Variants in WWP1 observed in about 807,000 individuals in gnomAD.
WWP1 encodes WW domain containing E3 ubiquitin protein ligase 1.
In WWP1, 49 loss-of-function variants were observed where a neutral mutation model predicts 130.6. The ratio of observed to expected loss-of-function variants is 0.38; its 90% CI spans 0.30 to 0.48. The LOEUF is 0.48. WWP1 is among the 20% of genes least tolerant of loss of function. The probability of loss-of-function intolerance (pLI) is 0.99; values close to 1 mark genes in which losing one functional copy is unlikely to be tolerated. For synonymous variants in WWP1, 332 were observed against 367.8 expected, an observed-to-expected ratio of 0.90 and a Z score of 1.11; for missense variants, 809 against 1,100.6, an observed-to-expected ratio of 0.74 and a Z score of 3.75.
chr8:86,429,173 A>G (rs940492186), intron 11 of WWP1, among the ~76,000 whole-genome samples: 1 of 152,204 alleles, frequency 6.6e-6, no homozygotes, highest in African/African-American at 2.4e-5. Flanking sequence ...AGAAAGAGAA[A>G]GAGGAATTGA....
At chr8:86,424,057 T>A (rs1225991200) in intron 9 of WWP1, among the ~76,000 whole-genome samples, 2 of 144,424 alleles carry the variant, frequency 1.4e-5, no homozygotes, top group Non-Finnish European at 3.0e-5. Context: ...ACGGGGCGGC[T>A]GCCGGGCGGA....
chr8:86,418,553 A>G (rs543467773), intron 9 of WWP1, among the ~76,000 whole-genome samples: 23 of 152,268 alleles, frequency 1.5e-4, no homozygotes, highest in African/African-American at 5.5e-4. Context: ...TGTCAGTGGG[A>G]AAAGCTCAGA....
chr8:86,403,085 C>G (rs1411731819), intron 8 of WWP1, among the ~76,000 whole-genome samples: 2 of 152,170 alleles, frequency 1.3e-5, no homozygotes, highest in African/African-American at 4.8e-5. Flanking sequence ...TGTATATTAA[C>G]TCTTTCAGGT....
chr8:86,362,921 T>G (rs1388689571), intron 1 of WWP1, among the ~76,000 whole-genome samples: 1 of 152,230 alleles, frequency 6.6e-6, no homozygotes, highest in Non-Finnish European at 1.5e-5. Flanking sequence ...ATAAATGCAT[T>G]ATTTAACTTT....
At chr8:86,418,733 A>G (rs1809029149) in intron 9 of WWP1, among the ~76,000 whole-genome samples, 1 of 152,184 alleles carries the variant, frequency 6.6e-6, no homozygotes, top group Non-Finnish European at 1.5e-5. Flanking sequence ...CACCAGGCAC[A>G]TTGGAGGTCA....
Position 86,375,849 on chromosome 8 carries a change from T to C in WWP1, c.70+1729T>C, listed in dbSNP as rs1158701263. Among the ~76,000 whole-genome samples the C allele has an allele frequency of 2.0e-5, 3 of 152,186 alleles. No individual in the cohort carries two copies. The East Asian group carries it at 5.8e-4, about 29-fold the overall frequency. On this transcript the variant is annotated intron_variant, in intron 3 of 24. Transcript: ENST00000517970. ...TTTGCCAGGTATTGCCAAGTTCCTC[T>C]CCATGGGGTCTGCACCATTTTGTGT... is the stretch of plus-strand genomic sequence containing the variant.
rs1808594417 is a variant in WWP1, at chr8:86,411,669, A to G, written c.856A>G (p.Ile286Val). The G allele has an allele frequency of 1.2e-6, 2 of 1,614,064 alleles. No individual in the cohort carries two copies. The highest frequency in any genetic ancestry group is 1.1e-5 in the South Asian group (1 of 91,092). Residue 286 changes from isoleucine to valine, a missense_variant, in exon 9 of 25, where the codon ATA becomes GTA. Ile to Val is a conservative substitution (Grantham distance 29, BLOSUM62 3). Transcript: ENST00000517970. ...TGTTGAAGATCCTCCAGTTCAAGAA[A>G]TACTGACTTCCTCAGAAAACAATGA... ...TTVEDPPVQE[I>V]LTSSENNECI...
At chr8:86,367,525 T>G (rs1333412701) in intron 1 of WWP1, among the ~76,000 whole-genome samples, 1 of 152,218 alleles carries the variant, frequency 6.6e-6, no homozygotes, top group African/African-American at 2.4e-5. Context: ...AAATGTCGTT[T>G]ATTATCTACA....
At chr8:86,414,890 T>TCGC (rs1808801206) in intron 9 of WWP1, among the ~76,000 whole-genome samples, 2 of 94,814 alleles carry the variant, frequency 2.1e-5, no homozygotes, top group Non-Finnish European at 2.0e-5. Context: ...CCCCCCCCCA[T>TCGC]CCCCCCACCC....
chr8:86,450,364 A>G (rs1003324487), intron 20 of WWP1, among the ~76,000 whole-genome samples: 2 of 152,190 alleles, frequency 1.3e-5, no homozygotes, highest in Admixed American at 6.5e-5. Flanking sequence ...TAGTTGGAAA[A>G]AAACAGTAAC....
At chr8:86,354,748 T>TAC (rs1205903818) in intron 1 of WWP1, among the ~76,000 whole-genome samples, 1 of 152,178 alleles carries the variant, frequency 6.6e-6, no homozygotes, top group Non-Finnish European at 1.5e-5. Flanking sequence ...TTTCTTTACC[T>TAC]ACTTTTCTCT....
At chr8:86,365,463 G>C (rs1823917553) in intron 1 of WWP1, among the ~76,000 whole-genome samples, 1 of 152,152 alleles carries the variant, frequency 6.6e-6, no homozygotes, top group Admixed American at 6.5e-5. Flanking sequence ...AGGCTAAAAG[G>C]TACCTGTAGA....
Position 86,442,755 on chromosome 8 carries a change from T to G in WWP1, c.1975T>G (p.Phe659Val). 1 of 1,609,516 alleles carries G rather than the reference T, an allele frequency of 6.2e-7. No homozygotes were observed. Among genetic ancestry groups the G allele is most frequent in the Non-Finnish European group, 8.5e-7 (1 of 1,178,688 alleles). The change falls in exon 18 of 25, where the codon TTC becomes GTC. Residue 659 changes from phenylalanine to valine, a missense_variant. This residue lies in a region of WWP1 where 450 missense variants were observed against 674.2 expected (regional missense o/e 0.67). Coordinates refer to ENST00000517970, the MANE Select transcript of WWP1 (RefSeq NM_007013.4). ...TCCAGACCATCTTTCATACTTCTGT[T>G]TCATTGGTCGTTTTATTGCCATGGT... ...INPDHLSYFC[F>V]IGRFIAMALF... is the part of the protein sequence containing the mutation.
intron 9 of WWP1, among the ~76,000 whole-genome samples, chr8:86,412,716 G>GT (rs537421906): frequency 0.048 from 6,759 of 142,162 alleles, 252 homozygotes; most frequent in African/African-American, 0.094. Flanking sequence ...TTTTGGAATT[G>GT]TTTTTTTTTT....
chr8:86,461,054 C>G (rs1811743581), intron 22 of WWP1, among the ~76,000 whole-genome samples, 170 bp from the exon 23 acceptor site: 1 of 152,046 alleles, frequency 6.6e-6, no homozygotes, highest in Non-Finnish European at 1.5e-5. Flanking sequence ...CGTGATCCGC[C>G]TGCTTCGGCC....
chr8:86,375,542 G>T (rs1437731604), intron 3 of WWP1, among the ~76,000 whole-genome samples: 1 of 151,350 alleles, frequency 6.6e-6, no homozygotes, highest in Non-Finnish European at 1.5e-5. Flanking sequence ...CCTAATTCTT[G>T]CATACTTCTC....
At chr8:86,364,249 A>G (rs1316477724) in intron 1 of WWP1, among the ~76,000 whole-genome samples, 1 of 152,192 alleles carries the variant, frequency 6.6e-6, no homozygotes, top group Non-Finnish European at 1.5e-5. Flanking sequence ...AGAGAAATAA[A>G]TTTGTATTCA....
At chr8:86,394,890 G>A (rs1807565032) in intron 5 of WWP1, among the ~76,000 whole-genome samples, 2 of 144,790 alleles carry the variant, frequency 1.4e-5, no homozygotes, top group South Asian at 2.2e-4. Context: ...ACAAATCTTT[G>A]TGGCGTTGAT....
intron 17 of WWP1, chr8:86,440,783 G>A (rs981767895): frequency 7.4e-6 from 3 of 404,142 alleles, no homozygotes; most frequent in Admixed American, 6.6e-5. Flanking sequence ...TCTTTTCTCT[G>A]ATCATTTTTA....
Sources: gnomAD v4.1 joint callset for allele counts (sites outside exome capture counted in the v4.1 genomes callset) on GRCh38, gnomAD v4.1.1 for gene constraint, gnomAD v4.1.1 regional missense constraint, MANE v1.5 for transcripts, NCBI Gene and HGNC (gene_info 2026-07-23, HGNC 2026-07-21) for gene names.